Variants in FAP observed in about 807,000 individuals in gnomAD.
FAP encodes the protein prolyl endopeptidase FAP.
FAP carries 110 observed loss-of-function variants against 126.5 expected under a neutral mutation model. The observed-to-expected ratio is 0.87, with a 90% CI of 0.74 to 1.02. FAP has a LOEUF of 1.02. Ranked by LOEUF, FAP falls within the 50% of genes least tolerant of loss-of-function variation. FAP has a pLI of 0.00. For missense variants in FAP, 919 were observed against 909.2 expected, an observed-to-expected ratio of 1.01 and a Z score of -0.14; for synonymous variants, 334 against 297.3, an observed-to-expected ratio of 1.12 and a Z score of -1.27.
chr2:162,231,083 GTA>G (rs1284735775), intron 2 of FAP, among the ~76,000 whole-genome samples: 1 of 152,102 alleles, frequency 6.6e-6, no homozygotes, highest in Non-Finnish European at 1.5e-5. Context: ...TCTTCTTTAA[GTA>G]TATTCCCTTT....
chr2:162,201,161 A>G (rs776431848), intron 14 of FAP, among the ~76,000 whole-genome samples: 100 of 152,354 alleles, frequency 6.6e-4, no homozygotes, highest in Middle Eastern at 3.4e-3. Flanking sequence ...GTCTTAAAAT[A>G]GCCATGAAGT....
intron 25 of FAP, 111 bp from the exon 26 acceptor site, chr2:162,171,191 T>C (rs1403152789): frequency 2.8e-6 from 2 of 715,538 alleles, no homozygotes; most frequent in African/African-American, 3.6e-5. Context: ...GGGGAAACTG[T>C]ACCTAAGAAC....
intron 17 of FAP, 95 bp downstream of exon 17, chr2:162,194,606 G>C: frequency 9.6e-7 from 1 of 1,041,454 alleles, no homozygotes; most frequent in South Asian, 1.3e-5. Context: ...GTTCCCCTTG[G>C]TGGTGTGGAG....
At chr2:162,240,817 C>G (rs1690318048) in intron 2 of FAP, among the ~76,000 whole-genome samples, 1 of 152,210 alleles carries the variant, frequency 6.6e-6, no homozygotes, top group Non-Finnish European at 1.5e-5. Context: ...CTTCCTCCTT[C>G]CCTTTCCTGC....
intron 22 of FAP, 136 bp downstream of exon 22, chr2:162,174,731 C>T (rs532664607): frequency 7.0e-6 from 4 of 568,582 alleles, no homozygotes; most frequent in East Asian, 6.1e-5. Context: ...ATATAAACAA[C>T]TTTGTTTATA....
chr2:162,230,223 T>C (rs1051484846), intron 2 of FAP, among the ~76,000 whole-genome samples: 1 of 152,194 alleles, frequency 6.6e-6, no homozygotes, highest in African/African-American at 2.4e-5. Context: ...AGTGAAGTAA[T>C]GTGTCTCCTT....
intron 21 of FAP, among the ~76,000 whole-genome samples, chr2:162,177,880 C>T (rs1477571763): frequency 1.3e-5 from 2 of 152,064 alleles, no homozygotes; most frequent in Non-Finnish European, 2.9e-5. Context: ...TTGTGCAATC[C>T]TCACGGTGTC....
At chr2:162,179,675 G>T (rs1415276819) in intron 21 of FAP, among the ~76,000 whole-genome samples, 1 of 151,920 alleles carries the variant, frequency 6.6e-6, no homozygotes, top group Non-Finnish European at 1.5e-5. Context: ...TTGGGAGTGA[G>T]GAAAAGGTGG....
intron 17 of FAP, among the ~76,000 whole-genome samples, chr2:162,193,166 G>A (rs147805776): frequency 1.3e-5 from 2 of 152,246 alleles, no homozygotes; most frequent in East Asian, 3.9e-4. Context: ...ATGTAAATAA[G>A]AGACACAGCA....
At chr2:162,236,723 T>C (rs1366054954) in intron 2 of FAP, among the ~76,000 whole-genome samples, 1 of 152,144 alleles carries the variant, frequency 6.6e-6, no homozygotes, top group Non-Finnish European at 1.5e-5. Context: ...CAATTCTGCC[T>C]CAGCCTCCTG....
chr2:162,212,389 C>T (rs899122925), intron 11 of FAP, among the ~76,000 whole-genome samples: 5 of 152,180 alleles, frequency 3.3e-5, no homozygotes, highest in Non-Finnish European at 7.3e-5. Flanking sequence ...AATTAACTAG[C>T]ATAATCAAGA....
chr2:162,190,713 T>A (rs1452969336), intron 17 of FAP, among the ~76,000 whole-genome samples: 1 of 152,054 alleles, frequency 6.6e-6, no homozygotes, highest in African/African-American at 2.4e-5. Context: ...ACTTGTGAGG[T>A]ATATCTATTG....
At position 162,183,427 on chromosome 2, in the gene FAP, G is replaced by C; in HGVS notation, c.1856C>G (p.Ala619Gly). 6.2e-7 allele frequency: 1 copy of C among 1,608,608 alleles called. No homozygotes were observed. Among genetic ancestry groups the C allele is most frequent in the African/African-American group, 1.3e-5 (1 of 74,774 alleles). ...EMGFIDEKRI[A>G]IWGWSYGGYV... ...AAAACAACTCACCCAGCCCCATATG[G>C]CTATTCTTTTTTCATCAATGAAACC... Residue 619 changes from alanine (A) to glycine (G), a missense_variant, in exon 21 of 26, where the codon GCC (alanine) becomes GGC (glycine). By Grantham distance (60) the Ala-to-Gly change is moderately conservative. Coordinates refer to ENST00000188790, the MANE Select transcript of FAP (RefSeq NM_004460.5).
chr2:162,183,943 C>T (rs577543126), intron 20 of FAP, among the ~76,000 whole-genome samples: 1 of 152,276 alleles, frequency 6.6e-6, no homozygotes. Flanking sequence ...GAGAAATATA[C>T]AACCGTCTTC....
chr2:162,218,710 C>T (rs1011801917), intron 8 of FAP, among the ~76,000 whole-genome samples: 2 of 151,376 alleles, frequency 1.3e-5, no homozygotes, highest in Non-Finnish European at 3.0e-5. Flanking sequence ...AAAATATGTT[C>T]CCATAAGATA....
At chr2:162,229,277 G>A (rs1689793356) in intron 2 of FAP, among the ~76,000 whole-genome samples, 1 of 152,072 alleles carries the variant, frequency 6.6e-6, no homozygotes, top group African/African-American at 2.4e-5. Flanking sequence ...CATGGTAGCA[G>A]TCAATACATG....
chr2:162,206,592 AATAATTGATGTGACTTTGCAGTCTAAGC>A (rs1688705628), intron 12 of FAP, among the ~76,000 whole-genome samples: 1 of 152,310 alleles, frequency 6.6e-6, no homozygotes, highest in East Asian at 1.9e-4. Context: ...ATTATTTTAA[AATAATTGATGTGACTTTGCAGTCTAAGC>A]ATGATGCCTT....
At chr2:162,214,166 A>T (rs1279259751) in intron 10 of FAP, 93 bp from the exon 11 acceptor site, 7 of 1,085,220 alleles carry the variant, frequency 6.5e-6, no homozygotes, top group Non-Finnish European at 9.0e-6. Context: ...GATATATGTC[A>T]TTATTATACA....
chr2:162,221,609 TTG>T (rs1201241620), intron 6 of FAP: 4 of 454,528 alleles, frequency 8.8e-6, no homozygotes, highest in Non-Finnish European at 1.8e-5. Flanking sequence ...TACTGTAACA[TTG>T]TCTCAGTTTT....
Sources: allele counts gnomAD v4.1 joint callset (sites outside exome capture counted in the v4.1 genomes callset), GRCh38; gene constraint gnomAD v4.1.1; transcripts MANE v1.5; gene names NCBI Gene and HGNC (gene_info 2026-07-23, HGNC 2026-07-21).